The following NEXMIF variants were observed in gnomAD, a reference collection of about 807,000 sequenced individuals.
NEXMIF encodes XLMR protein related to neurite extension.
NEXMIF carries 8 observed loss-of-function variants against 62.1 expected under a neutral mutation model. The observed-to-expected ratio is 0.13, with a 90% CI of 0.08 to 0.23. NEXMIF has a LOEUF of 0.23. Ranked by LOEUF, NEXMIF falls within the 10% of genes least tolerant of loss-of-function variation. The pLI, the probability that NEXMIF is intolerant of heterozygous loss-of-function variation, is 1.00. For synonymous variants in NEXMIF, 404 were observed against 416.6 expected (o/e 0.97, Z 0.37); for missense variants, 976 against 1,113.3 (o/e 0.88, Z 1.75).
At chrX:74,921,105 T>G (rs541783882) in intron 1 of NEXMIF, among the ~76,000 whole-genome samples, 1 of 111,777 alleles carries the variant, frequency 8.9e-6, no homozygotes, top group South Asian at 3.8e-4. Context: ...TCATGAAGAC[T>G]TCAGCTTCTT....
intron 1 of NEXMIF, among the ~76,000 whole-genome samples, chrX:74,814,468 A>G (rs1045358488): frequency 8.9e-6 from 1 of 111,847 alleles, no homozygotes; most frequent in Non-Finnish European, 1.9e-5. Context: ...CCTAGACTTA[A>G]GTATTCTGAA....
intron 1 of NEXMIF, among the ~76,000 whole-genome samples, chrX:74,811,322 C>T (rs956246587): frequency 3.6e-5 from 4 of 111,487 alleles, no homozygotes; most frequent in African/African-American, 1.3e-4. Flanking sequence ...ATGACTTCCC[C>T]TTCCATTTTC....
chrX:74,895,834 TA>T (rs749007896), intron 1 of NEXMIF, among the ~76,000 whole-genome samples: 5,197 of 85,877 alleles, frequency 0.061, 160 homozygotes, highest in African/African-American at 0.12. Context: ...GGCTACTGTG[TA>T]AAAAAAAAAA....
intron 1 of NEXMIF, among the ~76,000 whole-genome samples, chrX:74,921,199 C>T (rs2080825816): frequency 9.0e-6 from 1 of 111,206 alleles, no homozygotes; most frequent in South Asian, 3.8e-4. Flanking sequence ...CGTTCCCTAG[C>T]AGAGGCCTGT....
At chrX:74,892,740 C>G (rs771304054) in intron 1 of NEXMIF, among the ~76,000 whole-genome samples, 1 of 112,028 alleles carries the variant, frequency 8.9e-6, no homozygotes, top group South Asian at 3.7e-4. Flanking sequence ...GAAACATCAC[C>G]CTGCATTAAT....
intron 1 of NEXMIF, among the ~76,000 whole-genome samples, chrX:74,898,864 A>G (rs1171834395): frequency 8.9e-6 from 1 of 111,781 alleles, no homozygotes; most frequent in Non-Finnish European, 1.9e-5. Flanking sequence ...GGAAATGAAG[A>G]AATCAATTCC....
intron 1 of NEXMIF, among the ~76,000 whole-genome samples, chrX:74,891,149 G>A (rs1007401134): frequency 4.5e-5 from 5 of 110,897 alleles, no homozygotes; most frequent in Non-Finnish European, 9.4e-5. Flanking sequence ...TTCCAGCCCC[G>A]CTCCTTCCTT....
chrX:74,803,984 T>C lies in NEXMIF; in HGVS notation c.-47-58287A>G, dbSNP rs184011122. Among the ~76,000 whole-genome samples, 563 of 112,031 alleles carry C rather than the reference T, an allele frequency of 5.0e-3. 4 individuals are homozygous for C. The highest frequency in any genetic ancestry group is 0.017 in the African/African-American group (532 of 30,824). Reference sequence around the variant, plus strand: ...CATCTGAAGGTATAAAACTCACTGATAATAGTAAGTATACAGAAAAAGACA... The same window carrying C: ...CATCTGAAGGTATAAAACTCACTGACAATAGTAAGTATACAGAAAAAGACA... On this transcript the variant is annotated intron_variant, in intron 1 of 3. Transcript: ENST00000055682.
At chrX:74,903,322 GCATA>G (rs1556041944) in intron 1 of NEXMIF, among the ~76,000 whole-genome samples, 8 of 37,491 alleles carry the variant, frequency 2.1e-4, no homozygotes, top group Admixed American at 2.1e-3. Context: ...TGATTCTCAG[GCATA>G]CACACACACA....
At chrX:74,917,188 G>C (rs138639216) in intron 1 of NEXMIF, among the ~76,000 whole-genome samples, 2 of 111,773 alleles carry the variant, frequency 1.8e-5, no homozygotes, top group African/African-American at 6.5e-5. Flanking sequence ...ATGGGGGGCA[G>C]ATTTCCCCCT....
At chrX:74,904,247 T>C (rs1344993234) in intron 1 of NEXMIF, among the ~76,000 whole-genome samples, 1 of 111,469 alleles carries the variant, frequency 9.0e-6, no homozygotes, top group Non-Finnish European at 1.9e-5. Context: ...GAATGAATAC[T>C]TTAGTAGCAG....
chrX:74,847,619 T>C (rs1428202340), intron 1 of NEXMIF, among the ~76,000 whole-genome samples: 1 of 111,692 alleles, frequency 9.0e-6, no homozygotes, highest in Non-Finnish European at 1.9e-5. Flanking sequence ...TTTTCATATG[T>C]AACTACTGAT....
chrX:74,811,397 T>C (rs974998209), intron 1 of NEXMIF, among the ~76,000 whole-genome samples: 1 of 112,112 alleles, frequency 8.9e-6, no homozygotes, highest in Admixed American at 9.5e-5. Context: ...CATAAGAACA[T>C]AAGAAAACGT....
chrX:74,896,129 A>G (rs1476907373), intron 1 of NEXMIF, among the ~76,000 whole-genome samples: 5 of 111,483 alleles, frequency 4.5e-5, no homozygotes, highest in Non-Finnish European at 9.4e-5. Context: ...TCCAGAAAGT[A>G]TTAATGCTAA....
Position 74,903,325 on chromosome X carries a change from T to TACACACACACACACACACAC in NEXMIF, c.-48+21538_-48+21557dup, listed in dbSNP as rs397897060. On this transcript the variant is annotated intron_variant, in intron 1 of 3. Transcript: ENST00000055682. ...TGGAGTCCTCACTGATTCTCAGGCA[T>TACACACACACACACACACAC]ACACACACACACACACACACACACA... 3.7e-4 allele frequency among the ~76,000 whole-genome samples: 19 copies of TACACACACACACACACACAC among 51,251 alleles called. No homozygotes were observed. The East Asian group carries it at 6.6e-3, about 18-fold the overall frequency. The allele number at this position is 51,251 out of a possible 115,157, so 44.5% of individuals were successfully genotyped here. A position where few individuals can be genotyped will look rare whatever the true frequency, so the allele number is the denominator to read the frequency against.
chrX:74,877,026 C>T (rs1218012269), intron 1 of NEXMIF, among the ~76,000 whole-genome samples: 1 of 111,509 alleles, frequency 9.0e-6, no homozygotes, highest in Admixed American at 9.6e-5. Context: ...GAATTTGATC[C>T]TGTCTTTACG....
At chrX:74,776,411 A>T (rs962128348) in intron 1 of NEXMIF, among the ~76,000 whole-genome samples, 1 of 111,507 alleles carries the variant, frequency 9.0e-6, no homozygotes, top group Non-Finnish European at 1.9e-5. Context: ...TAGGAGTGGG[A>T]TCACTTTATT....
chrX:74,911,344 C>T (rs947022902), intron 1 of NEXMIF, among the ~76,000 whole-genome samples: 6 of 111,442 alleles, frequency 5.4e-5, no homozygotes, highest in African/African-American at 2.0e-4. Context: ...CACTTGAACC[C>T]GGGAAGTGGA....
intron 1 of NEXMIF, among the ~76,000 whole-genome samples, chrX:74,823,352 T>C (rs1005623056): frequency 9.0e-6 from 1 of 111,609 alleles, no homozygotes; most frequent in African/African-American, 3.2e-5. Flanking sequence ...TTGTATAGTA[T>C]GCTAATTACA....
Sources: gnomAD v4.1 joint callset for allele counts (sites outside exome capture counted in the v4.1 genomes callset) on GRCh38, gnomAD v4.1.1 for gene constraint, MANE v1.5 for transcripts, NCBI Gene and HGNC (gene_info 2026-07-23, HGNC 2026-07-21) for gene names.